Variants in LRMDA observed in about 807,000 individuals in gnomAD.
LRMDA encodes leucine-rich melanocyte differentiation-associated protein.
Under a neutral mutation model 29.8 loss-of-function variants are expected in LRMDA, and 18 were observed. The ratio of observed to expected loss-of-function variants is 0.60; its 90% confidence interval spans 0.42 to 0.90. The LOEUF is 0.90. LRMDA is among the 40% of genes least tolerant of loss of function. LRMDA has a pLI of 0.00. For missense variants in LRMDA, 273 were observed against 273.9 expected (o/e 1.00, Z 0.02); for synonymous variants, 125 against 109.4 (o/e 1.14, Z -0.89).
At chr10:75,764,928 C>CGTGTGTGTGTGTGTGTGTGT (rs57422251) in intron 2 of LRMDA, among the ~76,000 whole-genome samples, 2 of 142,772 alleles carry the variant, frequency 1.4e-5, no homozygotes, top group African/African-American at 5.2e-5. Context: ...GCAAGAGACA[C>CGTGTGTGTGTGTGTGTGTGT]GTGTGTGTGT....
At chr10:75,700,800 G>C (rs889916375) in intron 2 of LRMDA, among the ~76,000 whole-genome samples, 1 of 151,976 alleles carries the variant, frequency 6.6e-6, no homozygotes, top group East Asian at 1.9e-4. Context: ...TGGATGGATG[G>C]ATAATGAAAA....
At chr10:75,890,596 A>C (rs958443730) in intron 2 of LRMDA, among the ~76,000 whole-genome samples, 2 of 152,166 alleles carry the variant, frequency 1.3e-5, no homozygotes, top group East Asian at 3.8e-4. Flanking sequence ...AGTTGTGTTC[A>C]TTTTGTAGGT....
At chr10:75,864,262 A>G (rs991617471) in intron 2 of LRMDA, among the ~76,000 whole-genome samples, 10 of 152,234 alleles carry the variant, frequency 6.6e-5, no homozygotes, top group Admixed American at 5.2e-4. Flanking sequence ...TATTGCAAAG[A>G]CGAGATGATA....
At chr10:76,119,072 T>G (rs1260913114) in intron 5 of LRMDA, among the ~76,000 whole-genome samples, 1 of 152,190 alleles carries the variant, frequency 6.6e-6, no homozygotes, top group African/African-American at 2.4e-5. Flanking sequence ...AATTAGTCCC[T>G]GTAGAAAGGA....
chr10:76,220,706 G>C (rs2132257279), intron 5 of LRMDA, among the ~76,000 whole-genome samples: 1 of 152,250 alleles, frequency 6.6e-6, no homozygotes, highest in African/African-American at 2.4e-5. Flanking sequence ...GGAGGAACTG[G>C]TACCATTCCT....
chr10:76,211,728 T>A (rs1342937651), intron 5 of LRMDA, among the ~76,000 whole-genome samples: 2 of 152,234 alleles, frequency 1.3e-5, no homozygotes, highest in African/African-American at 2.4e-5. Flanking sequence ...GATTCATAAA[T>A]CTGAAATAGA....
intron 2 of LRMDA, among the ~76,000 whole-genome samples, chr10:75,887,578 C>T (rs146974701): frequency 1.6e-4 from 24 of 152,108 alleles, no homozygotes; most frequent in African/African-American, 5.5e-4. Context: ...TATTGGAACA[C>T]AGCTGCACCC....
intron 2 of LRMDA, among the ~76,000 whole-genome samples, chr10:76,033,685 C>G (rs1470014376): frequency 1.3e-5 from 2 of 152,116 alleles, no homozygotes; most frequent in Non-Finnish European, 2.9e-5. Context: ...TGAGCGGAGT[C>G]CAACTGATGT....
chr10:75,672,235 T>C (rs1841899289), intron 2 of LRMDA, among the ~76,000 whole-genome samples: 1 of 152,068 alleles, frequency 6.6e-6, no homozygotes, highest in Admixed American at 6.5e-5. Context: ...ATGTTTTGGC[T>C]CTGAGATGAG....
intron 2 of LRMDA, among the ~76,000 whole-genome samples, chr10:75,767,279 A>G (rs1266648996): frequency 6.6e-6 from 1 of 152,164 alleles, no homozygotes; most frequent in Non-Finnish European, 1.5e-5. Context: ...AAGCATTCCT[A>G]TTTCTCCACA....
intron 6 of LRMDA, among the ~76,000 whole-genome samples, chr10:76,374,590 A>G (rs998069778): frequency 3.9e-5 from 6 of 152,230 alleles, no homozygotes; most frequent in South Asian, 2.1e-4. Context: ...TCAGTTGAAT[A>G]TAGCAGCCAC....
intron 6 of LRMDA, among the ~76,000 whole-genome samples, chr10:76,409,954 A>G (rs914605586): frequency 2.6e-5 from 4 of 152,212 alleles, no homozygotes; most frequent in Non-Finnish European, 4.4e-5. Flanking sequence ...GAAGGAATGT[A>G]GAATCCAATT....
chr10:76,405,025 T>C (rs898853447), intron 6 of LRMDA, among the ~76,000 whole-genome samples: 1 of 152,168 alleles, frequency 6.6e-6, no homozygotes, highest in South Asian at 2.1e-4. Context: ...CCTTCAGCAG[T>C]AACCAGAGCA....
intron 6 of LRMDA, among the ~76,000 whole-genome samples, chr10:76,452,483 G>A (rs2132300892): frequency 6.6e-6 from 1 of 152,098 alleles, no homozygotes; most frequent in East Asian, 1.9e-4. Context: ...ATTTAAGATG[G>A]GAACTGAATG....
intron 2 of LRMDA, among the ~76,000 whole-genome samples, chr10:75,690,989 A>G (rs1428947160): frequency 1.0e-5 from 1 of 97,758 alleles, no homozygotes; most frequent in Non-Finnish European, 2.0e-5. Flanking sequence ...ATATATATAT[A>G]TATATACACA....
At chr10:75,807,181 A>G (rs1843869968) in intron 2 of LRMDA, among the ~76,000 whole-genome samples, 1 of 152,098 alleles carries the variant, frequency 6.6e-6, no homozygotes, top group Non-Finnish European at 1.5e-5. Context: ...AGCAAGTAGA[A>G]GCAGCATGTG....
intron 2 of LRMDA, among the ~76,000 whole-genome samples, chr10:75,498,899 G>A (rs531232758): frequency 6.6e-6 from 1 of 152,244 alleles, no homozygotes; most frequent in Non-Finnish European, 1.5e-5. Flanking sequence ...TAAAGGGGGA[G>A]TGAGTTGGTT....
intron 5 of LRMDA, among the ~76,000 whole-genome samples, chr10:76,301,644 A>C (rs182754652): frequency 1.3e-5 from 2 of 152,322 alleles, no homozygotes; most frequent in East Asian, 1.9e-4. Flanking sequence ...AAACAAAAAA[A>C]CCCACCACAG....
intron 2 of LRMDA, among the ~76,000 whole-genome samples, chr10:75,894,043 C>A (rs567055272): frequency 6.7e-6 from 1 of 150,106 alleles, no homozygotes; most frequent in South Asian, 2.1e-4. Flanking sequence ...TTTTATTTTT[C>A]CATAAGTTAT....
Sources: allele counts gnomAD v4.1 joint callset (sites outside exome capture counted in the v4.1 genomes callset), GRCh38; gene constraint gnomAD v4.1.1; transcripts MANE v1.5; gene names NCBI Gene and HGNC (gene_info 2026-07-23, HGNC 2026-07-21).